ENKUR: variants seen among roughly 807,000 people sequenced by gnomAD.
ENKUR encodes the protein enkurin.
Under a neutral mutation model 27.6 loss-of-function variants are expected in ENKUR, and 19 were observed. The observed-to-expected ratio is 0.69, with a 90% CI of 0.48 to 1.01. ENKUR has a LOEUF of 1.01. ENKUR is among the 50% of genes least tolerant of loss of function. The pLI, the probability that ENKUR is intolerant of heterozygous loss-of-function variation, is 0.00. For synonymous variants in ENKUR, 117 were observed against 96.9 expected, an observed-to-expected ratio of 1.21 and a Z score of -1.22; for missense variants, 312 against 310.5, an observed-to-expected ratio of 1.00 and a Z score of -0.04.
chr10:25,012,402 C>G (rs1450298090), intron 1 of ENKUR, among the ~76,000 whole-genome samples: 2 of 152,112 alleles, frequency 1.3e-5, no homozygotes, highest in African/African-American at 4.8e-5. Flanking sequence ...CACCATGCAC[C>G]CAGAAAAGCT....
At chr10:25,023,673 A>C (rs771358715) in intron 2 of ENKUR, 302 of 1,613,980 alleles carry the variant, frequency 1.9e-4, no homozygotes, top group Non-Finnish European at 4.3e-5. Flanking sequence ...AAAATGGAAT[A>C]ATTGTATACC....
rs570768807 is a variant in ENKUR at position 25,059,459 on chromosome 10, A to G, written c.37+1653T>C. ...GTCCTAATTTTCTTAGTATAGTATTATACTATGTATGGAGATCTGTATATA... is the reference window on the plus strand; with the variant it reads ...GTCCTAATTTTCTTAGTATAGTATTGTACTATGTATGGAGATCTGTATATA... On this transcript the variant is annotated intron_variant, in intron 2 of 5. Transcript: ENST00000615958. Among the ~76,000 whole-genome samples the G allele has an allele frequency of 9.2e-5, 14 of 152,272 alleles. No homozygotes were observed. The South Asian group carries it at 1.7e-3, about 18-fold the overall frequency.
At chr10:24,998,037 A>G (rs1850103288) in intron 2 of ENKUR, among the ~76,000 whole-genome samples, 1 of 152,174 alleles carries the variant, frequency 6.6e-6, no homozygotes, top group East Asian at 1.9e-4. Flanking sequence ...TTAAGCATGA[A>G]TGTTGTATTT....
intron 2 of ENKUR, chr10:25,025,166 T>TG (rs1564350953): frequency 1.2e-6 from 2 of 1,614,148 alleles, no homozygotes; most frequent in Middle Eastern, 1.6e-4. Context: ...GTTGCAAAAG[T>TG]GGTTGCAGAT....
chr10:24,994,419 C>CT (rs1849997070), intron 3 of ENKUR, among the ~76,000 whole-genome samples: 1 of 151,564 alleles, frequency 6.6e-6, no homozygotes, highest in South Asian at 2.1e-4. Flanking sequence ...CTGCAACCCC[C>CT]GCCTCCTGGG....
At chr10:25,041,934 C>T (rs1215265628) in intron 2 of ENKUR, among the ~76,000 whole-genome samples, 3 of 151,870 alleles carry the variant, frequency 2.0e-5, no homozygotes, top group Non-Finnish European at 2.9e-5. Context: ...CTTGTGATCC[C>T]GAATTGAACC....
chr10:24,986,897 C>T (rs754046755), intron 4 of ENKUR, among the ~76,000 whole-genome samples: 1 of 152,164 alleles, frequency 6.6e-6, no homozygotes, highest in Admixed American at 6.5e-5. Flanking sequence ...TAATTTTCCT[C>T]TCTTCTATTT....
chr10:25,017,039 G>C (rs527937463), upstream of ENKUR, among the ~76,000 whole-genome samples: 4 of 152,268 alleles, frequency 2.6e-5, no homozygotes, highest in East Asian at 7.8e-4. Flanking sequence ...CCTGCTCCCG[G>C]GACCGCCCCT....
intron 2 of ENKUR, among the ~76,000 whole-genome samples, chr10:25,038,502 C>G (rs1366915927): frequency 6.6e-6 from 1 of 152,168 alleles, no homozygotes; most frequent in Non-Finnish European, 1.5e-5. Context: ...GTTTATAACT[C>G]TATAAAATTG....
intron 2 of ENKUR, among the ~76,000 whole-genome samples, chr10:25,042,542 G>A (rs529611408): frequency 7.9e-5 from 12 of 152,116 alleles, no homozygotes; most frequent in South Asian, 2.1e-4. Context: ...TGATCCACCC[G>A]CCTTGGCCTC....
intron 2 of ENKUR, among the ~76,000 whole-genome samples, chr10:25,022,759 A>G (rs2132755824): frequency 6.6e-6 from 1 of 152,306 alleles, no homozygotes; most frequent in Admixed American, 6.5e-5. Context: ...ATAGCACTCC[A>G]ACTCCAAATC....
At chr10:24,996,100 GA>G (rs1288882480) in intron 2 of ENKUR, among the ~76,000 whole-genome samples, 4 of 151,850 alleles carry the variant, frequency 2.6e-5, no homozygotes, top group South Asian at 2.1e-4. Flanking sequence ...TTTTTAAAAA[GA>G]AAAAAAGTCA....
intron 1 of ENKUR, among the ~76,000 whole-genome samples, chr10:25,004,243 T>C (rs2132705569): frequency 6.6e-6 from 1 of 152,324 alleles, no homozygotes; most frequent in Non-Finnish European, 1.5e-5. Context: ...AACCTAGGCA[T>C]GCATGTGTCT....
rs1358955367 is a variant in ENKUR, at chr10:25,002,936, G to A, written c.78-3390C>T. 5.3e-5 allele frequency among the ~76,000 whole-genome samples: 8 copies of A among 151,910 alleles called. No individual in the cohort carries two copies. In the East Asian group the frequency reaches 1.4e-3, roughly 26 times the overall value. On this transcript the variant is annotated intron_variant, in intron 1 of 5. Transcript: ENST00000331161. ...TTCATTTGGGGTAAAAAAAAAAGGT[G>A]TCTTTACTTCCACCTCTTTTAAATT...
chr10:25,054,108 G>C (rs1851217958), intron 2 of ENKUR, among the ~76,000 whole-genome samples: 1 of 152,142 alleles, frequency 6.6e-6, no homozygotes. Flanking sequence ...AAAGGTTGGG[G>C]ATAAAAACTT....
intron 1 of ENKUR, among the ~76,000 whole-genome samples, chr10:25,013,301 G>A (rs945997295): frequency 4.6e-5 from 7 of 152,142 alleles, no homozygotes; most frequent in Non-Finnish European, 8.8e-5. Flanking sequence ...TATTAAATTT[G>A]CAAATGACAC....
At chr10:25,006,702 A>T (rs1179845403) in intron 1 of ENKUR, among the ~76,000 whole-genome samples, 1 of 152,364 alleles carries the variant, frequency 6.6e-6, no homozygotes, top group East Asian at 1.9e-4. Context: ...TCTGATATAT[A>T]ATAAATTATC....
At chr10:25,028,640 A>G (rs1380355574) in intron 2 of ENKUR, among the ~76,000 whole-genome samples, 2 of 152,114 alleles carry the variant, frequency 1.3e-5, no homozygotes, top group Non-Finnish European at 2.9e-5. Context: ...TTATTCTCCA[A>G]TCAAGATAAA....
intron 2 of ENKUR, among the ~76,000 whole-genome samples, chr10:25,045,822 T>G (rs1851115622): frequency 6.6e-6 from 1 of 152,268 alleles, no homozygotes; most frequent in Non-Finnish European, 1.5e-5. Context: ...ATGGTGACAC[T>G]TAAGGGCAGA....
Sources: allele counts gnomAD v4.1 joint callset (sites outside exome capture counted in the v4.1 genomes callset), GRCh38; gene constraint gnomAD v4.1.1; transcripts MANE v1.5; gene names NCBI Gene and HGNC (gene_info 2026-07-23, HGNC 2026-07-21).